The following SUB1 variants were observed in gnomAD, a reference collection of about 807,000 sequenced individuals.
SUB1 encodes activated RNA polymerase II transcriptional coactivator p15.
In SUB1, 1 loss-of-function variant was observed where a neutral mutation model predicts 16.9. That is an observed-to-expected ratio of 0.06 (90% CI 0.02 to 0.28). The LOEUF is 0.28. SUB1 is among the 10% of genes least tolerant of loss of function. SUB1 has a pLI of 1.00. For synonymous variants in SUB1, 51 were observed against 46.9 expected (o/e 1.09, Z -0.36); for missense variants, 84 against 145.2 (o/e 0.58, Z 2.16).
intron 3 of SUB1, chr5:32,597,977 TA>T (rs1371397702): frequency 6.6e-6 from 1 of 152,240 alleles, no homozygotes; most frequent in Admixed American, 6.5e-5. Context: ...CATCTGTTAA[TA>T]AAATATGTCA....
At chr5:32,598,794 A>C (rs751563660) in intron 3 of SUB1, 167 bp from the exon 4 acceptor site, 2 of 452,310 alleles carry the variant, frequency 4.4e-6, no homozygotes, top group Non-Finnish European at 7.8e-6. Context: ...AAATATGCAT[A>C]TAAGTGGGAC....
intron 1 of SUB1, 85 bp from the exon 2 acceptor site, chr5:32,588,427 G>A (rs1034327723): frequency 8.0e-7 from 1 of 1,244,804 alleles, no homozygotes; most frequent in Admixed American, 2.3e-5. Context: ...ACTTGTCCTT[G>A]ATTTTTTTCT....
At position 32,603,943 on chromosome 5, in the gene SUB1, C is replaced by G. The variant is rs1739177418; in HGVS notation, c.*2859C>G. ...CCAGATAAACTGTAGGGTGAACATT[C>G]ACATAATCACAAATATGTAATTCTG... On this transcript the variant is annotated 3_prime_UTR_variant, in exon 5 of 5. Coordinates refer to ENST00000265073, the MANE Select transcript of SUB1 (RefSeq NM_006713.4). 2 of 151,152 alleles carry G rather than the reference C, an allele frequency of 1.3e-5. No homozygotes were observed. The highest frequency in any genetic ancestry group is 3.4e-3 in the Middle Eastern group (1 of 290). The allele number at this position is 151,152 out of a possible 1,614,324, so 9.4% of individuals were successfully genotyped here.
At chr5:32,586,106 G>C (rs954385614) in intron 1 of SUB1, 2 of 152,252 alleles carry the variant, frequency 1.3e-5, no homozygotes, top group African/African-American at 4.8e-5. Flanking sequence ...GGAACGCTTC[G>C]AGAGAAGAAA....
chr5:32,590,762 A>ATTTTTTTTGTT (rs1738801664), intron 2 of SUB1, among the ~76,000 whole-genome samples: 1 of 33,960 alleles, frequency 2.9e-5, no homozygotes, highest in Non-Finnish European at 5.4e-5. Context: ...CGCCTGGCTA[A>ATTTTTTTTGTT]TTTTTTTTTT....
intron 2 of SUB1, among the ~76,000 whole-genome samples, chr5:32,589,293 C>G (rs1302224215): frequency 6.6e-6 from 1 of 152,046 alleles, no homozygotes; most frequent in African/African-American, 2.4e-5. Context: ...TGCTGTGTTG[C>G]TAAGGCTGGT....
At chr5:32,596,005 A>C (rs1738953286) in intron 3 of SUB1, 2 of 152,054 alleles carry the variant, frequency 1.3e-5, no homozygotes, top group African/African-American at 4.8e-5. Flanking sequence ...TTTGAGTTGT[A>C]ACACTTTATA....
intron 3 of SUB1, chr5:32,598,748 A>G (rs927521163): frequency 2.6e-6 from 1 of 382,380 alleles, no homozygotes; most frequent in Non-Finnish European, 4.6e-6. Context: ...CAAATTGTCA[A>G]GTCTGCAAAA....
intron 4 of SUB1, 118 bp downstream of exon 4, chr5:32,599,187 AT>A: frequency 1.4e-6 from 1 of 690,922 alleles, no homozygotes; most frequent in Non-Finnish European, 2.5e-6. Context: ...TACTCAATTG[AT>A]TCTCTATCTT....
intron 3 of SUB1, chr5:32,595,909 AT>A (rs1410251202): frequency 3.3e-5 from 5 of 152,104 alleles, no homozygotes; most frequent in Non-Finnish European, 5.9e-5. Flanking sequence ...ACATGTCTTA[AT>A]TCATTGTACA....
chr5:32,595,429 T>C (rs1738935345), intron 3 of SUB1: 1 of 152,264 alleles, frequency 6.6e-6, no homozygotes, highest in South Asian at 2.1e-4. Context: ...AATGGATACA[T>C]GCAGTCTATT....
chr5:32,588,697 C>T (rs902413252), intron 2 of SUB1, 113 bp downstream of exon 2: 15 of 1,072,602 alleles, frequency 1.4e-5, no homozygotes, highest in Admixed American at 5.9e-5. Flanking sequence ...TCTAGCTGGG[C>T]GCGGTGGCTC....
intron 3 of SUB1, among the ~76,000 whole-genome samples, chr5:32,594,109 C>G (rs1295257276): frequency 6.6e-6 from 1 of 152,104 alleles, no homozygotes; most frequent in Non-Finnish European, 1.5e-5. Context: ...AATACATAAG[C>G]AGTTCTCTAA....
intron 4 of SUB1, 76 bp from the exon 5 acceptor site, chr5:32,600,929 G>A (rs1273335623): frequency 2.2e-6 from 3 of 1,372,814 alleles, no homozygotes; most frequent in African/African-American, 1.4e-5. Flanking sequence ...TGATAAAACA[G>A]TATTCTAGTT....
intron 1 of SUB1, chr5:32,586,267 C>G (rs1738665935): frequency 6.6e-6 from 1 of 152,242 alleles, no homozygotes; most frequent in African/African-American, 2.4e-5. Flanking sequence ...GCGACCCCTT[C>G]CCTGGTCTTG....
chr5:32,600,930 T>A, intron 4 of SUB1, 75 bp from the exon 5 acceptor site: 1 of 1,374,698 alleles, frequency 7.3e-7, no homozygotes, highest in Non-Finnish European at 1.0e-6. Context: ...GATAAAACAG[T>A]ATTCTAGTTG....
chr5:32,599,141 A>G (rs1739053237), intron 4 of SUB1, 72 bp downstream of exon 4: 7 of 1,099,804 alleles, frequency 6.4e-6, no homozygotes, highest in East Asian at 2.5e-5. Flanking sequence ...AGCTTACTTG[A>G]AATGTTGGCA....
Position 32,591,627 on chromosome 5 carries a change from C to T in SUB1, c.137C>T (p.Ser46Leu), listed in dbSNP as rs200414268. The change falls in exon 3 of 5, where the codon TCG becomes TTG. Residue 46 changes from serine to leucine, a missense_variant. Ser to Leu is a moderately radical substitution (Grantham distance 145). This residue lies in a region of SUB1 where 60 missense variants were observed against 64.9 expected (regional missense o/e 0.92). Transcript: ENST00000265073. The stretch of plus-strand genomic sequence containing the variant: ...AAGAAACAAAAGACAGGTGAGACTT[C>T]GAGAGCCCTGTCATCTTCTAAACAG... Reference protein sequence around the residue: ...PVKKQKTGETSRALSSSKQSS... With the variant: ...PVKKQKTGETLRALSSSKQSS... 5 of 1,609,466 alleles carry T rather than the reference C, an allele frequency of 3.1e-6. No individual in the cohort carries two copies. The highest frequency in any genetic ancestry group is 1.3e-5 in the African/African-American group (1 of 74,462).
intron 1 of SUB1, among the ~76,000 whole-genome samples, chr5:32,587,159 C>T: frequency 6.6e-6 from 1 of 152,080 alleles, no homozygotes; most frequent in East Asian, 1.9e-4. Context: ...TGCTACTGCT[C>T]AAGATCATCG....
Sources: allele counts gnomAD v4.1 joint callset (sites outside exome capture counted in the v4.1 genomes callset), GRCh38; gene constraint gnomAD v4.1.1; regional missense constraint gnomAD v4.1.1; transcripts MANE v1.5; gene names NCBI Gene and HGNC (gene_info 2026-07-23, HGNC 2026-07-21).